RASAL2: variants seen among roughly 807,000 people sequenced by gnomAD.
The protein encoded by RASAL2 is ras GTPase-activating protein nGAP.
A neutral mutation model predicts 128.9 loss-of-function variants in RASAL2; 58 were observed. That is an observed-to-expected ratio of 0.45 (90% CI 0.36 to 0.56). The LOEUF (loss-of-function observed/expected upper bound fraction) is 0.56. RASAL2 is among the 20% of genes least tolerant of loss of function. The probability of loss-of-function intolerance (pLI) is 0.00; values close to 1 mark genes in which losing one functional copy is unlikely to be tolerated. For synonymous variants in RASAL2, 561 were observed against 580.8 expected, an observed-to-expected ratio of 0.97 and a Z score of 0.49; for missense variants, 1,360 against 1,601.6, an observed-to-expected ratio of 0.85 and a Z score of 2.57.
chr1:178,161,144 C>G (rs532312781), intron 1 of RASAL2, among the ~76,000 whole-genome samples: 2 of 151,746 alleles, frequency 1.3e-5, no homozygotes, highest in South Asian at 4.2e-4. Context: ...AAATACAGTA[C>G]TTTTTTTCTT....
chr1:178,094,611 T>G lies in RASAL2; in HGVS notation c.119T>G (p.Val40Gly). ...PPEDLDAVVP[V>G]SGAVAGGMLD... ...GAGGACCTGGACGCGGTTGTCCCAGTCAGTGGAGCCGTCGCCGGTGGCATG... is the reference window on the plus strand; with the variant it reads ...GAGGACCTGGACGCGGTTGTCCCAGGCAGTGGAGCCGTCGCCGGTGGCATG... The change falls in exon 1 of 18, where the codon GTC becomes GGC. Residue 40 changes from valine to glycine, a missense_variant. Physicochemically the swap from Val to Gly is moderately radical, Grantham distance 109. Transcript: ENST00000367649. 6.2e-7 allele frequency: 1 copy of G among 1,613,074 alleles called. No individual in the cohort carries two copies. The highest frequency in any genetic ancestry group is 8.5e-7 in the Non-Finnish European group (1 of 1,179,648).
chr1:178,406,392 A>C (rs1040394458), intron 4 of RASAL2, among the ~76,000 whole-genome samples: 1 of 152,216 alleles, frequency 6.6e-6, no homozygotes, highest in African/African-American at 2.4e-5. Flanking sequence ...AACAAGTCAT[A>C]TTAGTGGTTT....
At chr1:178,233,811 A>G (rs1255396319) in intron 1 of RASAL2, among the ~76,000 whole-genome samples, 1 of 152,018 alleles carries the variant, frequency 6.6e-6, no homozygotes, top group African/African-American at 2.4e-5. Flanking sequence ...CATTTTCTCT[A>G]CTCTTTCCAA....
intron 9 of RASAL2, among the ~76,000 whole-genome samples, chr1:178,450,958 T>G (rs1193773320): frequency 6.6e-6 from 1 of 152,138 alleles, no homozygotes; most frequent in African/African-American, 2.4e-5. Context: ...CAGGGAATAG[T>G]GGGTGTATCT....
At chr1:178,443,325 T>G in intron 8 of RASAL2, 96 bp downstream of exon 8, 1 of 1,132,784 alleles carries the variant, frequency 8.8e-7, no homozygotes, top group Non-Finnish European at 1.2e-6. Context: ...TAGAGAAATG[T>G]GCTTTACTAT....
chr1:178,456,650 G>T (rs762864944), intron 12 of RASAL2, 71 bp from the exon 13 acceptor site: 1 of 1,541,836 alleles, frequency 6.5e-7, no homozygotes, highest in Non-Finnish European at 9.0e-7. Context: ...GGCCATCGTT[G>T]TGCCAAAAAC....
intron 8 of RASAL2, among the ~76,000 whole-genome samples, chr1:178,444,720 C>T (rs1011244352): frequency 6.6e-6 from 1 of 152,000 alleles, no homozygotes; most frequent in African/African-American, 2.4e-5. Flanking sequence ...GGCGGGCAGA[C>T]AGAAAGATAG....
chr1:178,255,577 A>G (rs1403749788), intron 1 of RASAL2, among the ~76,000 whole-genome samples: 3 of 152,094 alleles, frequency 2.0e-5, no homozygotes, highest in African/African-American at 7.2e-5. Context: ...AAGAGAATAG[A>G]GCTGTATGGG....
chr1:178,371,333 C>CACACAA lies in RASAL2; in HGVS notation c.458-18762_458-18761insAACACA, dbSNP rs1336831677. On this transcript the variant is annotated intron_variant, in intron 3 of 17. Coordinates refer to ENST00000367649, the MANE Select transcript of RASAL2 (RefSeq NM_170692.4). ...TTCAGCCTTCTTTCCCACACACACA[C>CACACAA]ACACACACACACACACACAAATACA... Among the ~76,000 whole-genome samples, 230 of 133,646 alleles carry CACACAA rather than the reference C, an allele frequency of 1.7e-3. 5 individuals are homozygous for CACACAA. Among genetic ancestry groups the CACACAA allele is most frequent in the South Asian group, 6.9e-3 (30 of 4,320 alleles). 87.7% of individuals were successfully genotyped at this position (133,646 alleles called of 152,430 possible).
rs561315821 is a variant in RASAL2 at position 178,424,206 on chromosome 1, C to T, written c.674+3586C>T. On this transcript the variant is annotated intron_variant, in intron 5 of 17. Coordinates refer to ENST00000367649, the MANE Select transcript of RASAL2 (RefSeq NM_170692.4). ...AGTGGACATGATATTTTGAAATCTT[C>T]AAAGTGTTGTGGTTTTTTTTTTTTG... Among the ~76,000 whole-genome samples, 330 of 151,372 alleles carry T rather than the reference C, an allele frequency of 2.2e-3. 3 individuals are homozygous for T. Among genetic ancestry groups the T allele is most frequent in the African/African-American group, 7.4e-3 (307 of 41,334 alleles).
intron 1 of RASAL2, among the ~76,000 whole-genome samples, chr1:178,098,248 C>T (rs567308712): frequency 1.3e-5 from 2 of 152,300 alleles, no homozygotes; most frequent in East Asian, 1.9e-4. Flanking sequence ...TATGTTGATC[C>T]GTTTGTCCTT....
At chr1:178,312,827 C>T (rs1668323474) in intron 3 of RASAL2, among the ~76,000 whole-genome samples, 1 of 152,120 alleles carries the variant, frequency 6.6e-6, no homozygotes, top group Non-Finnish European at 1.5e-5. Context: ...TACAAGAGAA[C>T]ACTATAAGAG....
Position 178,420,572 on chromosome 1 carries a change from A to G in RASAL2, c.626A>G (p.Asp209Gly), listed in dbSNP as rs1468783422. Residue 209 changes from aspartate (D) to glycine (G), a missense_variant, in exon 5 of 18, where the codon GAC (aspartate) becomes GGC (glycine). Physicochemically the swap from Asp to Gly is moderately conservative, Grantham distance 94. This residue lies in a region of RASAL2 where 617 missense variants were observed against 714.2 expected (regional missense o/e 0.86). Coordinates refer to ENST00000367649, the MANE Select transcript of RASAL2 (RefSeq NM_170692.4). ...IKRTKSQSKL[D>G]RNTSFRLPSL... ...AGGACCAAAAGCCAGTCAAAGCTTG[A>G]CAGAAACACGAGCTTTCGGCTTCCA... The G allele has an allele frequency of 5.0e-6, 8 of 1,613,150 alleles. No individual in the cohort carries two copies. The highest frequency in any genetic ancestry group is 6.8e-6 in the Non-Finnish European group (8 of 1,179,492).
intron 3 of RASAL2, among the ~76,000 whole-genome samples, chr1:178,350,459 C>G (rs1393182025): frequency 6.6e-6 from 1 of 152,158 alleles, no homozygotes; most frequent in Admixed American, 6.5e-5. Context: ...GTCTCAAACT[C>G]CTGAGTTCAG....
intron 1 of RASAL2, among the ~76,000 whole-genome samples, chr1:178,216,913 A>G (rs752632017): frequency 2.0e-5 from 3 of 152,140 alleles, no homozygotes; most frequent in Non-Finnish European, 4.4e-5. Context: ...TTCTGTGGGA[A>G]CCATGAAGCA....
chr1:178,383,083 G>A (rs1487481547), intron 3 of RASAL2, among the ~76,000 whole-genome samples: 1 of 152,072 alleles, frequency 6.6e-6, no homozygotes, highest in Non-Finnish European at 1.5e-5. Flanking sequence ...TTAACAAGAA[G>A]AAATATTAAA....
rs1347516839 is a variant in RASAL2 at position 178,266,266 on chromosome 1, T to TAGA, written c.203-17298_203-17297insAGA. ...CTTAGTATCTTTTTCATTTTAGCCA[T>TAGA]TCTAGTGGGTATGTAGTGCTATCTC... On this transcript the variant is annotated intron_variant, in intron 1 of 17. Coordinates refer to ENST00000367649, the MANE Select transcript of RASAL2 (RefSeq NM_170692.4). Among the ~76,000 whole-genome samples the TAGA allele has an allele frequency of 3.3e-5, 5 of 152,232 alleles. No homozygotes were observed. In the East Asian group the frequency reaches 9.6e-4, roughly 29 times the overall value.
chr1:178,175,668 GTT>G (rs71567182), intron 1 of RASAL2, among the ~76,000 whole-genome samples: 1 of 145,910 alleles, frequency 6.9e-6, no homozygotes, highest in Non-Finnish European at 1.5e-5. Flanking sequence ...CTATATGTAG[GTT>G]TTTTTTTTTG....
intron 1 of RASAL2, among the ~76,000 whole-genome samples, chr1:178,104,657 T>G (rs1386182470): frequency 6.6e-6 from 1 of 152,228 alleles, no homozygotes; most frequent in Non-Finnish European, 1.5e-5. Flanking sequence ...TCTACTGCTG[T>G]GTTGCTACTT....
Sources: allele counts gnomAD v4.1 joint callset (sites outside exome capture counted in the v4.1 genomes callset), GRCh38; gene constraint gnomAD v4.1.1; regional missense constraint gnomAD v4.1.1; transcripts MANE v1.5; gene names NCBI Gene and HGNC (gene_info 2026-07-23, HGNC 2026-07-21).